ARHGAP20: variants seen among roughly 807,000 people sequenced by gnomAD.
ARHGAP20 encodes the protein rho GTPase-activating protein 20.
ARHGAP20 carries 34 observed loss-of-function variants against 73.7 expected under a neutral mutation model. The observed-to-expected ratio is 0.46, with a 90% CI of 0.35 to 0.61. ARHGAP20 has a LOEUF of 0.61. ARHGAP20 is among the 20% of genes least tolerant of loss of function. The probability of loss-of-function intolerance (pLI) is 0.00; values close to 1 mark genes in which losing one functional copy is unlikely to be tolerated. For missense variants in ARHGAP20, 1,314 were observed against 1,420.9 expected (o/e 0.92, Z 1.21); for synonymous variants, 523 against 518.2 (o/e 1.01, Z -0.13).
intron 1 of ARHGAP20, among the ~76,000 whole-genome samples, chr11:110,709,415 T>A (rs77892214): frequency 0.017 from 2,579 of 152,220 alleles, 53 homozygotes; most frequent in African/African-American, 0.046. Context: ...ATTATCATAG[T>A]TTTCAATCTG....
intron 2 of ARHGAP20, among the ~76,000 whole-genome samples, chr11:110,644,237 A>G (rs868506322): frequency 3.9e-5 from 6 of 152,322 alleles, no homozygotes; most frequent in Middle Eastern, 3.4e-3. Flanking sequence ...GCCCAAAGCA[A>G]TCTGCAGATT....
intron 9 of ARHGAP20, among the ~76,000 whole-genome samples, chr11:110,598,087 G>A (rs1948015282): frequency 6.6e-6 from 1 of 151,400 alleles, no homozygotes; most frequent in African/African-American, 2.4e-5. Flanking sequence ...AAAACGTTGT[G>A]TTTATATAAT....
chr11:110,680,706 T>C (rs1028462477), intron 2 of ARHGAP20, among the ~76,000 whole-genome samples: 4 of 152,200 alleles, frequency 2.6e-5, no homozygotes, highest in African/African-American at 9.6e-5. Context: ...CCCACTAGAA[T>C]GTGGAGAGAC....
chr11:110,580,398 T>G lies in ARHGAP20; in HGVS notation c.2548A>C (p.Ile850Leu). 1 of 1,614,252 alleles carries G rather than the reference T, an allele frequency of 6.2e-7. No homozygotes were observed. The highest frequency in any genetic ancestry group is 8.5e-7 in the Non-Finnish European group (1 of 1,180,050). Residue 850 changes from isoleucine to leucine, a missense_variant, in exon 15 of 15, where the codon ATA (isoleucine) becomes CTA (leucine). Physicochemically the swap from Ile to Leu is conservative, Grantham distance 5 (BLOSUM62 2). Transcript: ENST00000683387. ...GTCAGCTTGCGGTTCTGGTCTTCTA[T>G]GTTGGGCTCTGAGCAGCGCCGATGT... is the stretch of plus-strand genomic sequence containing the variant. ...RTHRRCSEPN[I>L]EDQNRKLTYL...
At chr11:110,646,193 A>C (rs1949191180) in intron 2 of ARHGAP20, among the ~76,000 whole-genome samples, 1 of 152,182 alleles carries the variant, frequency 6.6e-6, no homozygotes, top group South Asian at 2.1e-4. Flanking sequence ...TACAAATTAC[A>C]AAGTCCTCAA....
intron 3 of ARHGAP20, among the ~76,000 whole-genome samples, chr11:110,625,016 T>TA (rs372377241): frequency 0.13 from 18,172 of 135,824 alleles, 1,384 homozygotes; most frequent in East Asian, 0.17. Flanking sequence ...TTTATTTTTT[T>TA]TTTATTTTTA....
intron 6 of ARHGAP20, among the ~76,000 whole-genome samples, chr11:110,613,075 T>C (rs1223025792): frequency 6.6e-6 from 1 of 152,230 alleles, no homozygotes; most frequent in Non-Finnish European, 1.5e-5. Flanking sequence ...ATCCTCCCAA[T>C]AACCTGGTTT....
At chr11:110,619,892 C>T (rs926083390) in intron 4 of ARHGAP20, among the ~76,000 whole-genome samples, 8 of 152,238 alleles carry the variant, frequency 5.3e-5, no homozygotes, top group Admixed American at 5.2e-4. Context: ...TGTGACTACC[C>T]TGTTTTCCAA....
Position 110,580,896 on chromosome 11 carries a change from TG to T in ARHGAP20, c.2049del (p.Ser684AlafsTer14), listed in dbSNP as rs1466185352. The T allele has an allele frequency of 6.2e-7, 1 of 1,613,068 alleles. No homozygotes were observed. The highest frequency in any genetic ancestry group is 8.5e-7 in the Non-Finnish European group (1 of 1,179,026). ...HARAPSAMCT[P>X]SYLSTAAANA... is the part of the protein sequence containing the mutation. ...TTTGCTGCAGCTGTGGACAGGTAGCTGGGTGTGCACATGGCAGATGGGGCCC... is the reference window on the plus strand; with the variant it reads ...TTTGCTGCAGCTGTGGACAGGTAGCTGGTGTGCACATGGCAGATGGGGCCC... On this transcript the variant is annotated frameshift_variant, in exon 15 of 15. Transcript: ENST00000683387. LOFTEE classifies it low-confidence loss of function (END_TRUNC).
intron 3 of ARHGAP20, 135 bp from the exon 4 acceptor site, chr11:110,624,446 AGAGT>A: frequency 6.5e-6 from 4 of 618,482 alleles, no homozygotes; most frequent in Middle Eastern, 4.7e-4. Flanking sequence ...CTCACTCATA[AGAGT>A]GAGAGCTGAA....
At chr11:110,700,006 T>G (rs774232077) in intron 1 of ARHGAP20, among the ~76,000 whole-genome samples, 2 of 152,082 alleles carry the variant, frequency 1.3e-5, no homozygotes, top group African/African-American at 4.8e-5. Flanking sequence ...AAACACTTTT[T>G]AAATAAAAAC....
intron 1 of ARHGAP20, among the ~76,000 whole-genome samples, chr11:110,705,444 T>C (rs1950535630): frequency 6.6e-6 from 1 of 152,198 alleles, no homozygotes; most frequent in South Asian, 2.1e-4. Flanking sequence ...TAGGTATCTA[T>C]GACTTGTGAA....
rs1947348818 is a variant in ARHGAP20 at position 110,578,613 on chromosome 11, T to C, written c.*757A>G. Reference sequence around the variant, plus strand: ...CTAGGCAGAGATACCTTTGAAAGGGTACTGAAATGGGCAGCCATTTTCTTC... The same window carrying C: ...CTAGGCAGAGATACCTTTGAAAGGGCACTGAAATGGGCAGCCATTTTCTTC... On this transcript the variant is annotated 3_prime_UTR_variant, in exon 15 of 15. Coordinates refer to ENST00000683387, the MANE Select transcript of ARHGAP20 (RefSeq NM_001384657.1). 5.1e-6 allele frequency: 5 copies of C among 985,436 alleles called. No individual in the cohort carries two copies. Among genetic ancestry groups the C allele is most frequent in the Non-Finnish European group, 6.0e-6 (5 of 829,932 alleles). 61.0% of individuals were successfully genotyped at this position (985,436 alleles called of 1,614,324 possible).
At chr11:110,707,921 C>T (rs1378537503) in intron 1 of ARHGAP20, among the ~76,000 whole-genome samples, 1 of 150,514 alleles carries the variant, frequency 6.6e-6, no homozygotes, top group Admixed American at 6.6e-5. Context: ...CCACTAGACA[C>T]ATGTGGCTCT....
At position 110,638,588 on chromosome 11, in the gene ARHGAP20, G is replaced by T. The variant is rs1417883461; in HGVS notation, c.189-7796C>A. On this transcript the variant is annotated intron_variant, in intron 2 of 14. Transcript: ENST00000683387. ...AAAATTAATACATTGATTTACTGGG[G>T]GTGGGGTGGGGTGAGCTGGAGATGA... Among the ~76,000 whole-genome samples the T allele has an allele frequency of 7.2e-5, 11 of 151,904 alleles. 1 individual carries two copies. Among genetic ancestry groups the T allele is most frequent in the African/African-American group, 2.7e-4 (11 of 41,380 alleles).
chr11:110,658,830 G>A (rs1949532601), intron 2 of ARHGAP20, among the ~76,000 whole-genome samples: 1 of 151,916 alleles, frequency 6.6e-6, no homozygotes, highest in Admixed American at 6.6e-5. Context: ...TAGCTCTCCA[G>A]ACACTTAGGA....
chr11:110,710,820 A>G lies in ARHGAP20; in HGVS notation c.105+1307T>C, dbSNP rs1950635362. 2.0e-5 allele frequency among the ~76,000 whole-genome samples: 3 copies of G among 152,208 alleles called. No individual in the cohort carries two copies. The South Asian group carries it at 6.2e-4, about 32-fold the overall frequency. ...TCTTCAACTGACCTCTAGCCAACCT[A>G]AGATCCTGGTGGGAAGATTTATGAA... On this transcript the variant is annotated intron_variant, in intron 1 of 14. Transcript: ENST00000683387.
chr11:110,672,583 T>G (rs756265062), intron 2 of ARHGAP20, among the ~76,000 whole-genome samples: 1 of 152,142 alleles, frequency 6.6e-6, no homozygotes, highest in Non-Finnish European at 1.5e-5. Flanking sequence ...TAGCTGGGAC[T>G]ACAAGCATGC....
intron 2 of ARHGAP20, among the ~76,000 whole-genome samples, chr11:110,659,967 G>A (rs1949563443): frequency 6.6e-6 from 1 of 151,300 alleles, no homozygotes; most frequent in Admixed American, 6.6e-5. Flanking sequence ...TGACGAGTTA[G>A]TGGGTGCAGC....
Sources: gnomAD v4.1 joint callset for allele counts (sites outside exome capture counted in the v4.1 genomes callset) on GRCh38, gnomAD v4.1.1 for gene constraint, MANE v1.5 for transcripts, NCBI Gene and HGNC (gene_info 2026-07-23, HGNC 2026-07-21) for gene names.